UBR1: variants seen among roughly 807,000 people sequenced by gnomAD.
The protein encoded by UBR1 is E3 ubiquitin-protein ligase UBR1.
UBR1 carries 102 observed loss-of-function variants against 242.1 expected under a neutral mutation model. That is an observed-to-expected ratio of 0.42 (90% CI 0.36 to 0.50). The LOEUF (loss-of-function observed/expected upper bound fraction) is 0.50. UBR1 is among the 20% of genes least tolerant of loss of function. The pLI is 0.01. For missense variants in UBR1, 1,772 were observed against 2,101.8 expected, an observed-to-expected ratio of 0.84 and a Z score of 3.07; for synonymous variants, 675 against 684.8, an observed-to-expected ratio of 0.99 and a Z score of 0.22.
intron 40 of UBR1, among the ~76,000 whole-genome samples, chr15:42,968,886 A>T (rs1210286438): frequency 6.6e-6 from 1 of 152,108 alleles, no homozygotes. Context: ...CATGGTGTGT[A>T]TGTGCCACAT....
intron 15 of UBR1, 127 bp downstream of exon 15, chr15:43,043,088 C>G: frequency 1.0e-6 from 1 of 1,002,992 alleles, no homozygotes; most frequent in East Asian, 2.6e-5. Context: ...CAGCCCTTAA[C>G]TGCAGTATCT....
chr15:43,075,590 T>TC (rs1485405702), intron 3 of UBR1, among the ~76,000 whole-genome samples: 4 of 150,762 alleles, frequency 2.7e-5, no homozygotes, highest in South Asian at 2.1e-4. Context: ...CCCTCCCCAC[T>TC]CCCCCCTAGA....
intron 12 of UBR1, among the ~76,000 whole-genome samples, chr15:43,049,027 T>C (rs1368932889): frequency 6.6e-6 from 1 of 152,218 alleles, no homozygotes; most frequent in African/African-American, 2.4e-5. Flanking sequence ...AATATTTCTT[T>C]TGGCTGTAAA....
At chr15:43,034,182 G>C (rs1190702758) in intron 19 of UBR1, among the ~76,000 whole-genome samples, 2 of 151,792 alleles carry the variant, frequency 1.3e-5, no homozygotes, top group African/African-American at 4.8e-5. Flanking sequence ...AGGCTGCAGT[G>C]AGCCGATTGT....
intron 1 of UBR1, among the ~76,000 whole-genome samples, chr15:43,086,942 G>A (rs1251880463): frequency 1.3e-5 from 2 of 152,180 alleles, no homozygotes; most frequent in East Asian, 3.8e-4. Context: ...AGGAGTTCAA[G>A]GCTGTAGCGT....
intron 5 of UBR1, among the ~76,000 whole-genome samples, chr15:43,069,510 C>G (rs186779745): frequency 1.3e-5 from 2 of 152,124 alleles, no homozygotes; most frequent in Admixed American, 6.5e-5. Flanking sequence ...CTCCTGACGT[C>G]GTGATCCACC....
At chr15:43,044,465 G>A (rs2033458798) in intron 14 of UBR1, among the ~76,000 whole-genome samples, 1 of 152,130 alleles carries the variant, frequency 6.6e-6, no homozygotes, top group Admixed American at 6.5e-5. Context: ...GAATACAGAA[G>A]GGAGACATTA....
chr15:43,067,370 T>A (rs958947588), intron 6 of UBR1, among the ~76,000 whole-genome samples: 1 of 152,158 alleles, frequency 6.6e-6, no homozygotes, highest in Non-Finnish European at 1.5e-5. Flanking sequence ...ATGAAAAAAT[T>A]AAATGACGAA....
chr15:42,980,681 T>C (rs1453743833), intron 37 of UBR1, among the ~76,000 whole-genome samples: 1 of 152,066 alleles, frequency 6.6e-6, no homozygotes, highest in East Asian at 1.9e-4. Context: ...CAATCATGGC[T>C]TACTGCAGCC....
chr15:43,026,509 A>G, intron 23 of UBR1, 52 bp downstream of exon 23: 2 of 1,518,944 alleles, frequency 1.3e-6, no homozygotes, highest in Non-Finnish European at 1.8e-6. Context: ...CTGTGGAGTT[A>G]GAAAGCATAA....
At chr15:43,093,073 C>A (rs1418178731) in intron 1 of UBR1, among the ~76,000 whole-genome samples, 1 of 152,064 alleles carries the variant, frequency 6.6e-6, no homozygotes, top group Non-Finnish European at 1.5e-5. Context: ...TAAGGGAAAG[C>A]TTTCCTAATT....
At chr15:42,950,915 C>T (rs1200326669) in intron 45 of UBR1, among the ~76,000 whole-genome samples, 1 of 152,168 alleles carries the variant, frequency 6.6e-6, no homozygotes, top group Non-Finnish European at 1.5e-5. Context: ...GGCTTGCGTA[C>T]ACATATATGG....
intron 29 of UBR1, among the ~76,000 whole-genome samples, chr15:43,014,049 T>A (rs936794179): frequency 6.6e-6 from 1 of 152,242 alleles, no homozygotes; most frequent in Admixed American, 6.5e-5. Context: ...GCCTGACTGG[T>A]TTTCGTATTT....
rs1567133379 is a variant in UBR1, at chr15:43,037,766, G to C, written c.2022+7C>G. The C allele has an allele frequency of 6.2e-7, 1 of 1,611,500 alleles. No individual in the cohort carries two copies. The highest frequency in any genetic ancestry group is 1.7e-5 in the Admixed American group (1 of 59,970). ...TTCATAAATATGAATAATAGACTTT[G>C]CTGTACCTGGCTAATAAGAGACAGT... is the stretch of plus-strand genomic sequence containing the variant. On this transcript the variant is annotated splice_region_variant and intron_variant, in intron 17 of 46. Coordinates refer to ENST00000290650, the MANE Select transcript of UBR1 (RefSeq NM_174916.3).
intron 45 of UBR1, among the ~76,000 whole-genome samples, chr15:42,950,865 C>A (rs1396975735): frequency 6.6e-6 from 1 of 152,174 alleles, no homozygotes; most frequent in South Asian, 2.1e-4. Context: ...CCTGAAGGCA[C>A]CTGGGACTTT....
At chr15:43,037,252 G>A (rs987856424) in intron 17 of UBR1, among the ~76,000 whole-genome samples, 9 of 151,012 alleles carry the variant, frequency 6.0e-5, no homozygotes, top group South Asian at 2.1e-4. Context: ...GGAGGCTGAG[G>A]CACGAAAATC....
chr15:43,001,235 C>G (rs1020596452), intron 32 of UBR1, among the ~76,000 whole-genome samples: 1 of 152,138 alleles, frequency 6.6e-6, no homozygotes, highest in African/African-American at 2.4e-5. Flanking sequence ...CAACTGCCAC[C>G]TCCCAGGTTC....
chr15:43,097,626 T>TA (rs2034177091), intron 1 of UBR1, among the ~76,000 whole-genome samples: 1 of 152,250 alleles, frequency 6.6e-6, no homozygotes, highest in South Asian at 2.1e-4. Flanking sequence ...AATCAGCACT[T>TA]ACTGCTTCAC....
In UBR1 at chr15:43,058,423, C is replaced by A. The variant is rs985079300; in HGVS notation, c.1100G>T (p.Arg367Leu). 6.2e-7 allele frequency: 1 copy of A among 1,610,174 alleles called. No individual in the cohort carries two copies. The highest frequency in any genetic ancestry group is 2.2e-5 in the East Asian group (1 of 44,748). ...LWDAKLYKGA[R>L]KILHELIFSS... is the part of the protein sequence containing the mutation. ...GAAGATCAATTCATGAAGGATCTTA[C>A]GGGCACCTATAGATTATTTTGGGGA... is the stretch of plus-strand genomic sequence containing the variant. The change falls in exon 10 of 47, where the codon CGT becomes CTT. Residue 367 changes from arginine to leucine, a missense_variant. Arg to Leu is a moderately radical substitution (Grantham distance 102). Coordinates refer to ENST00000290650, the MANE Select transcript of UBR1 (RefSeq NM_174916.3).
Sources: gnomAD v4.1 joint callset for allele counts (sites outside exome capture counted in the v4.1 genomes callset) on GRCh38, gnomAD v4.1.1 for gene constraint, MANE v1.5 for transcripts, NCBI Gene and HGNC (gene_info 2026-07-23, HGNC 2026-07-21) for gene names.